Variants in TRRAP observed in about 807,000 individuals in gnomAD.
TRRAP encodes transformation/transcription domain-associated protein.
In TRRAP, 41 loss-of-function variants were observed where a neutral mutation model predicts 438.8. The observed-to-expected ratio is 0.09, with a 90% confidence interval of 0.07 to 0.12. The LOEUF (loss-of-function observed/expected upper bound fraction) is 0.12. Ranked by LOEUF, TRRAP falls within the 10% of genes least tolerant of loss-of-function variation. TRRAP has a pLI of 1.00. For synonymous variants in TRRAP, 1,994 were observed against 1,962.9 expected (o/e 1.02, Z -0.42); for missense variants, 3,122 against 5,055.1 (o/e 0.62, Z 11.60).
intron 63 of TRRAP, among the ~76,000 whole-genome samples, chr7:98,990,121 G>C (rs1004964433): frequency 6.6e-6 from 1 of 152,132 alleles, no homozygotes; most frequent in African/African-American, 2.4e-5. Context: ...CCAGCTACTG[G>C]GGAGGCTGAG....
At chr7:98,930,864 T>C in intron 25 of TRRAP, 34 bp downstream of exon 25, 1 of 1,612,474 alleles carries the variant, frequency 6.2e-7, no homozygotes, top group South Asian at 1.1e-5. Context: ...CTAACCATGC[T>C]GTTTTTGAAA....
chr7:98,967,224 C>T, intron 50 of TRRAP, 62 bp downstream of exon 50: 1 of 1,542,810 alleles, frequency 6.5e-7, no homozygotes, highest in Non-Finnish European at 8.8e-7. Flanking sequence ...CCCGGCCAGC[C>T]AGCCATGCAG....
intron 3 of TRRAP, among the ~76,000 whole-genome samples, chr7:98,883,516 C>T (rs1795557181): frequency 1.3e-5 from 2 of 152,210 alleles, no homozygotes. Flanking sequence ...GTTTCTTTGT[C>T]TAGTAATTTA....
At position 98,945,943 on chromosome 7, in the gene TRRAP, G is replaced by C; in HGVS notation, c.4541G>C (p.Gly1514Ala). 1 of 1,481,456 alleles carries C rather than the reference G, an allele frequency of 6.8e-7. No individual in the cohort carries two copies. Among genetic ancestry groups the C allele is most frequent in the Non-Finnish European group, 9.0e-7 (1 of 1,115,894 alleles). The allele number at this position is 1,481,456 out of a possible 1,614,324, so 91.8% of individuals were successfully genotyped here. A position where few individuals can be genotyped will look rare whatever the true frequency, so the allele number is the denominator to read the frequency against. ...GTTTTGGTTCAGCCTGCCATGGAAG[G>C]GGTAGAGGTGAGAACTTGAGCGGAG... Reference protein sequence around the residue: ...PFCQFEPAMEGVEEMKICSAI... With the variant: ...PFCQFEPAMEAVEEMKICSAI... Residue 1514 changes from glycine to alanine, a missense_variant, in exon 33 of 73, where the codon GGG (glycine) becomes GCG (alanine). By Grantham distance (60) the Gly-to-Ala change is moderately conservative (BLOSUM62 0). Coordinates refer to ENST00000456197, the MANE Select transcript of TRRAP (RefSeq NM_001375524.1).
chr7:98,983,679 C>A (rs565885154), intron 60 of TRRAP, among the ~76,000 whole-genome samples: 2 of 152,182 alleles, frequency 1.3e-5, no homozygotes, highest in South Asian at 2.1e-4. Context: ...GTACCTGTTA[C>A]ATTTTTCTAG....
intron 67 of TRRAP, among the ~76,000 whole-genome samples, chr7:98,995,710 CAT>C (rs886905679): frequency 1.2e-4 from 18 of 148,770 alleles, no homozygotes; most frequent in Admixed American, 7.3e-4. Flanking sequence ...CATACACACA[CAT>C]GTCCCATCTA....
At chr7:98,999,429 T>C (rs1422792822) in intron 67 of TRRAP, 1 of 1,019,590 alleles carries the variant, frequency 9.8e-7, no homozygotes, top group African/African-American at 1.6e-5. Context: ...TCCTCCAAAA[T>C]CTAGCTCTGA....
intron 21 of TRRAP, among the ~76,000 whole-genome samples, chr7:98,924,297 C>A (rs913424552): frequency 6.6e-6 from 1 of 152,140 alleles, no homozygotes; most frequent in African/African-American, 2.4e-5. Context: ...ATACTTCCAC[C>A]GCCTCTTTTG....
At chr7:98,986,403 A>G (rs1010983153) in intron 62 of TRRAP, among the ~76,000 whole-genome samples, 1 of 152,144 alleles carries the variant, frequency 6.6e-6, no homozygotes, top group African/African-American at 2.4e-5. Flanking sequence ...CCCACCAGCA[A>G]TGTTTAAGGT....
chr7:98,934,101 GT>G (rs1790447657), intron 27 of TRRAP, among the ~76,000 whole-genome samples: 1 of 152,220 alleles, frequency 6.6e-6, no homozygotes, highest in Non-Finnish European at 1.5e-5. Flanking sequence ...ACATTCCAGT[GT>G]GGGGTGCTAT....
At chr7:98,924,040 G>C (rs146155914) in intron 21 of TRRAP, among the ~76,000 whole-genome samples, 200 of 152,316 alleles carry the variant, frequency 1.3e-3, no homozygotes, top group African/African-American at 4.2e-3. Context: ...AAAAGCTTAA[G>C]AAAGCCATCT....
Position 98,955,119 on chromosome 7 carries a change from G to T in TRRAP, c.5752G>T (p.Ala1918Ser). Residue 1918 changes from alanine to serine, a missense_variant, in exon 41 of 73, where the codon GCT (alanine) becomes TCT (serine). This residue lies in a region of TRRAP where 35 missense variants were observed against 104.9 expected (regional missense o/e 0.33). Coordinates refer to ENST00000456197, the MANE Select transcript of TRRAP (RefSeq NM_001375524.1). ...TTAGGTTTTTCATAGTCTCCTCAAG[G>T]CTCACGCAATGGAAGCTCGAGCGAT... ...VLQVFHSLLK[A>S]HAMEARAIVR... 1 of 1,614,046 alleles carries T rather than the reference G, an allele frequency of 6.2e-7. No homozygotes were observed.
chr7:98,981,650 T>G, intron 58 of TRRAP, 119 bp from the exon 59 acceptor site: 1 of 971,382 alleles, frequency 1.0e-6, no homozygotes, highest in Non-Finnish European at 1.5e-6. Context: ...TATAGCCTAA[T>G]TTCTGTGTAT....
intron 67 of TRRAP, among the ~76,000 whole-genome samples, chr7:98,995,116 CTCCTGCCT>C (rs1409753552): frequency 6.6e-6 from 1 of 152,188 alleles, no homozygotes; most frequent in Non-Finnish European, 1.5e-5. Flanking sequence ...CCCTCCTGCC[CTCCTGCCT>C]TCCTGAGACC....
At chr7:99,007,706 T>G (rs1794242709) in intron 69 of TRRAP, among the ~76,000 whole-genome samples, 1 of 151,728 alleles carries the variant, frequency 6.6e-6, no homozygotes, top group Admixed American at 6.6e-5. Context: ...TGGAGTGCAG[T>G]GGCGCAGTCA....
Position 99,011,355 on chromosome 7 carries a change from G to A in TRRAP, c.11157G>A (p.Leu3719=). Residue 3719 remains leucine (L), a synonymous_variant, in exon 72 of 73, where the codon CTG becomes CTA. Coordinates refer to ENST00000456197, the MANE Select transcript of TRRAP (RefSeq NM_001375524.1). This position sits in a 1 kb window ranked among gnomAD's most constrained non-coding sequence, Gnocchi z 7.1. The stretch of plus-strand genomic sequence containing the variant: ...CTGAAATTTAGGACACTGGCAAACT[G>A]AATGTTGCCTACTTTCGATTTGACA... ...MLQIAQDTGK[L]NVAYFRFDIN... is the part of the protein sequence containing the mutation. 6.2e-7 allele frequency: 1 copy of A among 1,614,128 alleles called. No homozygotes were observed. The highest frequency in any genetic ancestry group is 2.2e-5 in the East Asian group (1 of 44,894).
rs570875586 is a variant in TRRAP, at chr7:98,916,138, A to T, written c.2365+250A>T. Among the ~76,000 whole-genome samples the T allele has an allele frequency of 7.3e-5, 11 of 150,128 alleles. No homozygotes were observed. The East Asian group carries it at 1.8e-3, about 24-fold the overall frequency. ...CAGCATTGAATGGGATTTAGGTGTT[A>T]GTTGTCCTGGCTAGGGCTTGGTTGC... is the stretch of plus-strand genomic sequence containing the variant. On this transcript the variant is annotated intron_variant, in intron 19 of 72. Transcript: ENST00000456197.
chr7:98,951,105 C>T (rs1791319377), intron 39 of TRRAP, 101 bp downstream of exon 39: 2 of 581,078 alleles, frequency 3.4e-6, no homozygotes, highest in Admixed American at 5.2e-5. Flanking sequence ...TAAGGGGGTT[C>T]ATTGAAATAA....
At chr7:98,894,448 T>C (rs1317520752) in intron 6 of TRRAP, among the ~76,000 whole-genome samples, 1 of 152,174 alleles carries the variant, frequency 6.6e-6, no homozygotes, top group Non-Finnish European at 1.5e-5. Flanking sequence ...GTGCCTGTTA[T>C]AGATGATTTA....
Sources: allele counts gnomAD v4.1 joint callset (sites outside exome capture counted in the v4.1 genomes callset), GRCh38; gene constraint gnomAD v4.1.1; regional missense constraint gnomAD v4.1.1; non-coding constraint Gnocchi (gnomAD v3.1); transcripts MANE v1.5; gene names NCBI Gene and HGNC (gene_info 2026-07-23, HGNC 2026-07-21).